Variants in PCDHGA7 observed in about 807,000 individuals in gnomAD.
PCDHGA7 encodes protocadherin gamma subfamily A, 7, also known as protocadherin gamma-A7.
A neutral mutation model predicts 58.3 loss-of-function variants in PCDHGA7; 44 were observed. That is an observed-to-expected ratio of 0.75 (90% confidence interval 0.59 to 0.97). The LOEUF (loss-of-function observed/expected upper bound fraction) is 0.97, where lower values mean the gene tolerates loss of function less well. PCDHGA7 is among the 50% of genes least tolerant of loss of function. The pLI is 0.00. For synonymous variants in PCDHGA7, 516 were observed against 504.2 expected (o/e 1.02, Z -0.31); for missense variants, 1,266 against 1,188.7 (o/e 1.06, Z -0.96).
rs1386904017 is a variant in PCDHGA7 at position 141,476,642 on chromosome 5, CG to C, written c.2425-18164del. On this transcript the variant is annotated intron_variant, in intron 1 of 3. Coordinates refer to ENST00000518325, the MANE Select transcript of PCDHGA7 (RefSeq NM_018920.4). The surrounding 1 kb of genome is among the most constrained non-coding windows in gnomAD (Gnocchi z 7.6). ...CTCTTTACAAACCTATGAGCTGAGC[CG>C]AAATGAATACTTTGCGCTTCGCGTG... The C allele has an allele frequency of 2.5e-6, 4 of 1,614,240 alleles. No homozygotes were observed.
At chr5:141,394,801 C>A in intron 1 of PCDHGA7, 2 of 1,613,838 alleles carry the variant, frequency 1.2e-6, no homozygotes, top group Non-Finnish European at 1.7e-6. Flanking sequence ...CTCACCGTAG[C>A]CGTGGCTGAC....
At chr5:141,474,964 CATT>C (rs1489874965) in intron 1 of PCDHGA7, among the ~76,000 whole-genome samples, 1 of 152,216 alleles carries the variant, frequency 6.6e-6, no homozygotes, top group Non-Finnish European at 1.5e-5. Context: ...CTATCCTAAT[CATT>C]ATAATTTTGT....
At position 141,512,903 on chromosome 5, in the gene PCDHGA7, CAA is replaced by C. The variant is rs2099884494; in HGVS notation, c.*1731_*1732del. The C allele has an allele frequency of 6.6e-6, 1 of 152,224 alleles. No individual in the cohort carries two copies. Among genetic ancestry groups the C allele is most frequent in the African/African-American group, 2.4e-5 (1 of 41,452 alleles). 9.4% of individuals were successfully genotyped at this position (152,224 alleles called of 1,614,324 possible). On this transcript the variant is annotated 3_prime_UTR_variant, in exon 4 of 4. Transcript: ENST00000518325. ...CCCCACCCTCTTCCTGTGTCTCACG[CAA>C]GTTTTATACTCTAATATTTATATGG...
rs767245444 is a variant in PCDHGA7, at chr5:141,393,478, G to A, written c.2424+8155G>A. 1 of 1,614,052 alleles carries A rather than the reference G, an allele frequency of 6.2e-7. No homozygotes were observed. On this transcript the variant is annotated intron_variant, in intron 1 of 3. Transcript: ENST00000518325. ...GCCTCGGATGGCGGCAAGCCGCCTC[G>A]CTCTAGCACAGTGCGCATCCACGTG... is the stretch of plus-strand genomic sequence containing the variant.
chr5:141,384,658 C>T lies in PCDHGA7; in HGVS notation c.1759C>T (p.Leu587=), dbSNP rs755303317. 9.3e-6 allele frequency: 15 copies of T among 1,614,104 alleles called. No homozygotes were observed. The African/African-American group carries it at 1.7e-4, about 19-fold the overall frequency. ...LAPRSAEPGY[L]VTKVVAVDKD... Reference sequence around the variant, plus strand: ...ACCCCGCTCCGCAGAGCCCGGCTACCTGGTGACCAAGGTGGTGGCGGTGGA... The same window carrying T: ...ACCCCGCTCCGCAGAGCCCGGCTACTTGGTGACCAAGGTGGTGGCGGTGGA... The change falls in exon 1 of 4, where the codon CTG becomes TTG. Residue 587 remains leucine (L), a synonymous_variant. Coordinates refer to ENST00000518325, the MANE Select transcript of PCDHGA7 (RefSeq NM_018920.4).
intron 1 of PCDHGA7, among the ~76,000 whole-genome samples, chr5:141,463,539 C>T (rs1408887405): frequency 6.7e-6 from 1 of 148,606 alleles, no homozygotes; most frequent in Admixed American, 6.8e-5. Context: ...AACTCCGGCT[C>T]CCGGGTTCAT....
At chr5:141,405,543 C>T (rs1027086926) in intron 1 of PCDHGA7, 27 of 634,834 alleles carry the variant, frequency 4.3e-5, no homozygotes, top group Non-Finnish European at 7.1e-5. Flanking sequence ...CCTCAGCCTC[C>T]CAAGTAGAGT....
At chr5:141,392,965 A>C in intron 1 of PCDHGA7, 1 of 1,613,890 alleles carries the variant, frequency 6.2e-7, no homozygotes, top group East Asian at 2.2e-5. Context: ...ATCTCCAAGG[A>C]CCTGGGGCTG....
At chr5:141,387,714 A>G in intron 1 of PCDHGA7, 1 of 1,059,158 alleles carries the variant, frequency 9.4e-7, no homozygotes, top group East Asian at 2.6e-5. Context: ...GCCCCAGCTC[A>G]GACTCCCCAG....
At chr5:141,474,965 A>T (rs1268347441) in intron 1 of PCDHGA7, among the ~76,000 whole-genome samples, 1 of 152,236 alleles carries the variant, frequency 6.6e-6, no homozygotes, top group Non-Finnish European at 1.5e-5. Context: ...TATCCTAATC[A>T]TTATAATTTT....
At position 141,395,259 on chromosome 5, in the gene PCDHGA7, C is replaced by T. The variant is rs1042867033; in HGVS notation, c.2424+9936C>T. ...TCAGGTGAGTTTAGTTCTTTGCTTG[C>T]TTTTAATTTCCAGATGAATTTTATT... On this transcript the variant is annotated intron_variant, in intron 1 of 3. Transcript: ENST00000518325. The T allele has an allele frequency of 3.2e-6, 5 of 1,551,850 alleles. No homozygotes were observed. In the Admixed American group the frequency reaches 1.0e-4, roughly 32 times the overall value.
intron 1 of PCDHGA7, chr5:141,394,655 G>A (rs780779279): frequency 2.7e-5 from 43 of 1,613,284 alleles, no homozygotes; most frequent in Admixed American, 5.0e-5. Flanking sequence ...CCAGCGAGCC[G>A]GGACTCTTCT....
rs777168071 is a variant in PCDHGA7 at position 141,477,745 on chromosome 5, C to A, written c.2425-17062C>A. The A allele has an allele frequency of 5.0e-6, 8 of 1,613,682 alleles. No homozygotes were observed. The highest frequency in any genetic ancestry group is 6.8e-6 in the Non-Finnish European group (8 of 1,180,042). On this transcript the variant is annotated intron_variant, in intron 1 of 3. Transcript: ENST00000518325. The surrounding 1 kb of genome is among the most constrained non-coding windows in gnomAD (Gnocchi z 4.9). ...TAACAGCTCATATCAGCGATGGGGG[C>A]ACCCCGGTCCTAGCCACCAACATCA...
At chr5:141,472,347 C>G (rs992566469) in intron 1 of PCDHGA7, among the ~76,000 whole-genome samples, 11 of 152,028 alleles carry the variant, frequency 7.2e-5, no homozygotes, top group Non-Finnish European at 1.2e-4. Context: ...CGAGACCATC[C>G]TGGCTAACAC....
rs1454432396 is a variant in PCDHGA7 at position 141,388,086 on chromosome 5, G to T, written c.2424+2763G>T. 2.9e-6 allele frequency: 4 copies of T among 1,368,264 alleles called. No individual in the cohort carries two copies. Among genetic ancestry groups the T allele is most frequent in the Admixed American group, 2.0e-5 (1 of 48,944 alleles). The allele number at this position is 1,368,264 out of a possible 1,614,324, so 84.8% of individuals were successfully genotyped here. On this transcript the variant is annotated intron_variant, in intron 1 of 3. Coordinates refer to ENST00000518325, the MANE Select transcript of PCDHGA7 (RefSeq NM_018920.4). ...GGAGTTACCGACTCGAAAACTGCGCGTCAGTTCGGAGAAGCCTTACTTCAC... is the reference window on the plus strand; with the variant it reads ...GGAGTTACCGACTCGAAAACTGCGCTTCAGTTCGGAGAAGCCTTACTTCAC...
chr5:141,435,792 A>G (rs2097780110), intron 1 of PCDHGA7, among the ~76,000 whole-genome samples: 1 of 152,074 alleles, frequency 6.6e-6, no homozygotes, highest in South Asian at 2.1e-4. Context: ...AGGGAAACAT[A>G]ACGTCCCAAT....
chr5:141,389,888 G>A, intron 1 of PCDHGA7: 1 of 1,614,086 alleles, frequency 6.2e-7, no homozygotes, highest in Non-Finnish European at 8.5e-7. Context: ...GCTTGCAGGA[G>A]GTGCTGCCGG....
At chr5:141,399,645 A>C (rs762123604) in intron 1 of PCDHGA7, 8 of 1,613,676 alleles carry the variant, frequency 5.0e-6, no homozygotes, top group Admixed American at 1.7e-5. Flanking sequence ...TGAGCGCGCA[A>C]AGTGGGGTGG....
At chr5:141,414,811 C>T in intron 1 of PCDHGA7, 3 of 1,614,254 alleles carry the variant, frequency 1.9e-6, no homozygotes, top group Non-Finnish European at 2.5e-6. Context: ...GGATCCTCCA[C>T]TCAGCAGCAA....
Sources: allele counts gnomAD v4.1 joint callset (sites outside exome capture counted in the v4.1 genomes callset), GRCh38; gene constraint gnomAD v4.1.1; non-coding constraint Gnocchi (gnomAD v3.1); transcripts MANE v1.5; gene names NCBI Gene and HGNC (gene_info 2026-07-23, HGNC 2026-07-21).